BRF1: variants seen among roughly 807,000 people sequenced by gnomAD.
BRF1 encodes transcription factor IIIB 90 kDa subunit.
In BRF1, 59 loss-of-function variants were observed where a neutral mutation model predicts 81.7. The ratio of observed to expected loss-of-function variants is 0.72; its 90% confidence interval spans 0.59 to 0.90. The LOEUF (loss-of-function observed/expected upper bound fraction) is 0.90. Among genes scored for constraint, BRF1 ranks in the 40% least tolerant of loss-of-function variants. The pLI, the probability that BRF1 is intolerant of heterozygous loss-of-function variation, is 0.00. For synonymous variants in BRF1, 491 were observed against 395.6 expected (o/e 1.24, Z -2.86); for missense variants, 1,050 against 936.3 (o/e 1.12, Z -1.58).
intron 5 of BRF1, chr14:105,249,521 G>A (rs1282063784): frequency 6.2e-7 from 1 of 1,607,320 alleles, no homozygotes; most frequent in East Asian, 2.2e-5. Flanking sequence ...GTCCGTTTTA[G>A]GCGGCCTCCG....
chr14:105,218,414 C>G (rs1891682491), intron 14 of BRF1, among the ~76,000 whole-genome samples: 1 of 152,176 alleles, frequency 6.6e-6, no homozygotes, highest in South Asian at 2.1e-4. Flanking sequence ...TGACCACAAG[C>G]TCCCCGGGTC....
chr14:105,229,112 C>G (rs961096520), intron 6 of BRF1, among the ~76,000 whole-genome samples, 199 bp from the exon 7 acceptor site: 3 of 152,234 alleles, frequency 2.0e-5, no homozygotes, highest in Non-Finnish European at 4.4e-5. Flanking sequence ...TGGGTGGCGG[C>G]TGCACCCATT....
rs140782377 is a variant in BRF1, at chr14:105,297,719, C to T, written c.184+2727G>A. ...AGATTATAAATGCTCCAAAACGGCC[C>T]GGTGCAGTGGCTCACGCTGGTAAAC... On this transcript the variant is annotated intron_variant, in intron 1 of 17. Coordinates refer to ENST00000547530, the MANE Select transcript of BRF1 (RefSeq NM_001519.4). Among the ~76,000 whole-genome samples the T allele has an allele frequency of 1.6e-3, 244 of 151,894 alleles. 2 individuals carry two copies. The highest frequency in any genetic ancestry group is 5.6e-3 in the African/African-American group (230 of 41,438).
rs773543425 is a variant in BRF1, at chr14:105,211,163, C to T, written c.1955G>A (p.Gly652Glu). The T allele has an allele frequency of 2.1e-5, 34 of 1,612,552 alleles. No homozygotes were observed. The highest frequency in any genetic ancestry group is 5.0e-5 in the Admixed American group (3 of 59,986). ...CTGCAGGGCACTGACGCAGGGCTCCCCGTCCTCCTCGTCAGGCTCCTCCTC... is the reference window on the plus strand; with the variant it reads ...CTGCAGGGCACTGACGCAGGGCTCCTCGTCCTCCTCGTCAGGCTCCTCCTC... ...ADEEEPDEEDGEPCVSALQMM... is the reference protein window; with the variant it reads ...ADEEEPDEEDEEPCVSALQMM... The change falls in exon 17 of 18, where the codon GGG becomes GAG. Residue 652 changes from glycine to glutamate, a missense_variant. Physicochemically the swap from Gly to Glu is moderately conservative, Grantham distance 98. Around this residue, in one of 2 missense-constraint regions of BRF1, gnomAD observed 1,043 missense variants for 915.4 expected, o/e 1.14. Coordinates refer to ENST00000547530, the MANE Select transcript of BRF1 (RefSeq NM_001519.4).
At chr14:105,280,487 C>G (rs1241256446) in intron 2 of BRF1, among the ~76,000 whole-genome samples, 1 of 152,272 alleles carries the variant, frequency 6.6e-6, no homozygotes, top group Non-Finnish European at 1.5e-5. Flanking sequence ...ATAGAACACG[C>G]ACCGCCCAGC....
At chr14:105,245,122 G>T (rs1312166987) in intron 5 of BRF1, among the ~76,000 whole-genome samples, 1 of 152,140 alleles carries the variant, frequency 6.6e-6, no homozygotes, top group Non-Finnish European at 1.5e-5. Flanking sequence ...ACTTTGGGAG[G>T]CCGAGGCAGG....
intron 5 of BRF1, chr14:105,248,880 G>T: frequency 1.0e-6 from 1 of 988,580 alleles, no homozygotes; most frequent in South Asian, 4.5e-5. Context: ...GATGGCGGCG[G>T]AACTCTACGC....
chr14:105,226,947 C>CAA (rs769464416), intron 7 of BRF1, 187 bp from the exon 8 acceptor site: 1,411 of 463,502 alleles, frequency 3.0e-3, no homozygotes, highest in Admixed American at 4.8e-3. Flanking sequence ...TGTCTCTACC[C>CAA]AAAAAAAAAA....
chr14:105,247,243 C>T (rs2055184914), intron 5 of BRF1: 7 of 985,374 alleles, frequency 7.1e-6, no homozygotes, highest in Middle Eastern at 1.0e-3. Flanking sequence ...CATGCATATG[C>T]TACAGCTTTC....
At position 105,309,001 on chromosome 14, in the gene BRF1, ACAAACAAAAC is replaced by A. The variant is rs2058272268; in HGVS notation, c.-162+6311_-162+6320del. Among the ~76,000 whole-genome samples, 2 of 152,192 alleles carry A rather than the reference ACAAACAAAAC, an allele frequency of 1.3e-5. No individual in the cohort carries two copies. The highest frequency in any genetic ancestry group is 4.8e-5 in the African/African-American group (2 of 41,530). ...AAACAAAAGAAAAAAAAAGAAAAAG[ACAAACAAAAC>A]CTAACAAAACCAGAAATCCATCCTG... is the stretch of plus-strand genomic sequence containing the variant. On this transcript the variant is annotated intron_variant, in intron 1 of 17. Coordinates refer to the BRF1 transcript ENST00000327359. The surrounding 1 kb of genome is among the most constrained non-coding windows in gnomAD (Gnocchi z 4.0).
intron 17 of BRF1, 45 bp downstream of exon 17, chr14:105,211,077 C>T (rs774728095): frequency 1.2e-6 from 2 of 1,603,442 alleles, no homozygotes; most frequent in Middle Eastern, 2.0e-4. Context: ...GTAGCTGATG[C>T]CTTTATTTCC....
At chr14:105,274,783 G>A (rs991814683) in intron 2 of BRF1, among the ~76,000 whole-genome samples, 1 of 152,034 alleles carries the variant, frequency 6.6e-6, no homozygotes, top group Non-Finnish European at 1.5e-5. Context: ...TCTGTCTGCA[G>A]AGCACAGGCT....
At chr14:105,300,090 C>A (rs914137765) in intron 1 of BRF1, among the ~76,000 whole-genome samples, 1 of 152,248 alleles carries the variant, frequency 6.6e-6, no homozygotes, top group Non-Finnish European at 1.5e-5. Context: ...CAGCAGCAAT[C>A]GGATTCTAAG....
intron 5 of BRF1, among the ~76,000 whole-genome samples, chr14:105,244,519 G>A (rs2140232858): frequency 1.3e-5 from 2 of 152,228 alleles, no homozygotes; most frequent in African/African-American, 4.8e-5. Flanking sequence ...AGGAGGAAGT[G>A]GTGGGCAGCG....
Position 105,241,407 on chromosome 14 carries a change from G to C in BRF1, c.552C>G (p.Cys184Trp), listed in dbSNP as rs761318583. 1.2e-6 allele frequency: 2 copies of C among 1,611,734 alleles called. No homozygotes were observed. The highest frequency in any genetic ancestry group is 1.7e-5 in the Admixed American group (1 of 60,010). Residue 184 changes from cysteine (C) to tryptophan (W), a missense_variant, in exon 6 of 18, where the codon TGC becomes TGG. Cys to Trp is a radical substitution (Grantham distance 215). Transcript: ENST00000547530. Reference sequence around the variant, plus strand: ...GGTGCGCAAAGCGTGGAATATACAGGCACGGGTCTGCGGCAGACACAGCAC... The same window carrying C: ...GGTGCGCAAAGCGTGGAATATACAGCCACGGGTCTGCGGCAGACACAGCAC... Reference protein sequence around the residue: ...LCINAPAIDPCLYIPRFAHLL... With the variant: ...LCINAPAIDPWLYIPRFAHLL...
intron 4 of BRF1, chr14:105,256,078 T>G: frequency 1.0e-6 from 1 of 990,386 alleles, no homozygotes; most frequent in South Asian, 1.7e-5. Context: ...TAAGCTGAGA[T>G]CACGCCACTG....
At chr14:105,246,111 G>A (rs1386213509) in intron 5 of BRF1, among the ~76,000 whole-genome samples, 1 of 152,132 alleles carries the variant, frequency 6.6e-6, no homozygotes, top group Non-Finnish European at 1.5e-5. Flanking sequence ...TGTAATCCCA[G>A]CTCTTTGGGA....
chr14:105,219,101 G>C, intron 13 of BRF1, 48 bp from the exon 14 acceptor site: 2 of 1,614,030 alleles, frequency 1.2e-6, no homozygotes, highest in Non-Finnish European at 1.7e-6. Context: ...CCACGCCCCA[G>C]GCCTGGGGAC....
intron 11 of BRF1, among the ~76,000 whole-genome samples, chr14:105,221,178 G>C (rs1053162959): frequency 3.3e-5 from 5 of 152,206 alleles, no homozygotes; most frequent in African/African-American, 1.2e-4. Context: ...CTTTCTCCTA[G>C]AGCTCCCAGC....
Sources: allele counts gnomAD v4.1 joint callset (sites outside exome capture counted in the v4.1 genomes callset), GRCh38; gene constraint gnomAD v4.1.1; regional missense constraint gnomAD v4.1.1; non-coding constraint Gnocchi (gnomAD v3.1); transcripts MANE v1.5; gene names NCBI Gene and HGNC (gene_info 2026-07-23, HGNC 2026-07-21).